POLD1: variants seen among roughly 807,000 people sequenced by gnomAD.
The protein encoded by POLD1 is DNA polymerase delta catalytic subunit.
In POLD1, 79 loss-of-function variants were observed where a neutral mutation model predicts 129.7. The ratio of observed to expected loss-of-function variants is 0.61; its 90% CI spans 0.51 to 0.73. The LOEUF (loss-of-function observed/expected upper bound fraction) is 0.73. POLD1 is among the 30% of genes least tolerant of loss of function. The pLI, the probability that POLD1 is intolerant of heterozygous loss-of-function variation, is 0.00. For synonymous variants in POLD1, 714 were observed against 683.3 expected (o/e 1.04, Z -0.70); for missense variants, 1,338 against 1,595.8 (o/e 0.84, Z 2.75).
chr19:50,399,098 C>T (rs2122198963), intron 2 of POLD1, 45 bp downstream of exon 2: 1 of 1,550,288 alleles, frequency 6.5e-7, no homozygotes, highest in South Asian at 1.2e-5. Flanking sequence ...CCCATTGCCC[C>T]TGGTCTTGCC....
chr19:50,391,758 G>A (rs555288902), intron 1 of POLD1, among the ~76,000 whole-genome samples: 1 of 152,116 alleles, frequency 6.6e-6, no homozygotes, highest in South Asian at 2.1e-4. Flanking sequence ...TGTTGCCCGG[G>A]CTGGAGTGCA....
chr19:50,401,379 ATATATATATAT>A (rs2038605723), intron 3 of POLD1, among the ~76,000 whole-genome samples: 1 of 55,076 alleles, frequency 1.8e-5, no homozygotes, highest in African/African-American at 8.4e-5. Flanking sequence ...ATATATATAT[ATATATATATAT>A]ATTTTTTTTT....
At position 50,406,310 on chromosome 19, in the gene POLD1, G is replaced by T. The variant is rs1457008478; in HGVS notation, c.1371G>T (p.Met457Ile). Residue 457 changes from methionine (M) to isoleucine (I), a missense_variant, in exon 11 of 27, where the codon ATG becomes ATT. This residue lies in a region of POLD1 where 720 missense variants were observed against 1,002.6 expected (regional missense o/e 0.72). Coordinates refer to ENST00000440232, the MANE Select transcript of POLD1 (RefSeq NM_002691.4). This position sits in a 1 kb window ranked among gnomAD's most constrained non-coding sequence, Gnocchi z 5.5. Reference sequence around the variant, plus strand: ...TCAGCATGGTGGGCCGCGTGCAGATGGACATGCTGCAGGTATGGGCGGGAG... The same window carrying T: ...TCAGCATGGTGGGCCGCGTGCAGATTGACATGCTGCAGGTATGGGCGGGAG... ...KVVSMVGRVQ[M>I]DMLQVLLREY... is the part of the protein sequence containing the mutation. 6.2e-7 allele frequency: 1 copy of T among 1,613,978 alleles called. No homozygotes were observed. Among genetic ancestry groups the T allele is most frequent in the South Asian group, 1.1e-5 (1 of 91,082 alleles).
intron 17 of POLD1, among the ~76,000 whole-genome samples, chr19:50,411,356 T>C (rs2445830): frequency 0.21 from 32,298 of 152,110 alleles, 6,699 homozygotes; most frequent in African/African-American, 0.54. Context: ...CATCAGGCTC[T>C]AGCCCTGAAG....
intron 22 of POLD1, chr19:50,416,032 G>C (rs1008223523): frequency 1.9e-5 from 11 of 580,130 alleles, no homozygotes; most frequent in Non-Finnish European, 3.0e-5. Flanking sequence ...CCTATGGAAG[G>C]GGCCCCAGTC....
intron 1 of POLD1, among the ~76,000 whole-genome samples, chr19:50,393,450 C>T (rs1351407704): frequency 6.6e-6 from 1 of 152,148 alleles, no homozygotes; most frequent in Non-Finnish European, 1.5e-5. Flanking sequence ...GCAGGCAGAT[C>T]ACTTGAGCCC....
At chr19:50,389,902 T>G (rs976824402) in intron 1 of POLD1, among the ~76,000 whole-genome samples, 1 of 150,494 alleles carries the variant, frequency 6.6e-6, no homozygotes, top group African/African-American at 2.4e-5. Context: ...TTTTTTTGTT[T>G]TTTGTTTTGT....
Position 50,417,844 on chromosome 19 carries a change from G to T in POLD1, c.3221G>T (p.Arg1074Leu). Residue 1074 changes from arginine (R) to leucine (L), a missense_variant and splice_region_variant, in exon 27 of 27, where the codon CGG becomes CTG. Coordinates refer to ENST00000440232, the MANE Select transcript of POLD1 (RefSeq NM_002691.4). ...SLHEDVICTS[R>L]DCPIFYMRKK... ...CCTGCCCCTGCCCCCACCCGCAGCC[G>T]GGACTGCCCCATCTTCTACATGCGC... The T allele has an allele frequency of 6.3e-7, 1 of 1,596,340 alleles. No individual in the cohort carries two copies. The highest frequency in any genetic ancestry group is 1.7e-5 in the Admixed American group (1 of 58,372).
Position 50,402,528 on chromosome 19 carries a change from A to C in POLD1, c.833A>C (p.Lys278Thr). 6.2e-7 allele frequency: 1 copy of C among 1,600,560 alleles called. No individual in the cohort carries two copies. The highest frequency in any genetic ancestry group is 8.5e-7 in the Non-Finnish European group (1 of 1,173,734). ...LPAGKYALRLKEKATQCQLEA... is the reference protein window; with the variant it reads ...LPAGKYALRLTEKATQCQLEA... ...GCTGGGAAATACGCCCTGAGGCTGA[A>C]GGAGAAGGTGCAGGGCTTCCCAGGG... The change falls in exon 7 of 27, where the codon AAG becomes ACG. Residue 278 changes from lysine to threonine, a missense_variant. Lys to Thr is a moderately conservative substitution (Grantham distance 78). Transcript: ENST00000440232.
intron 10 of POLD1, among the ~76,000 whole-genome samples, chr19:50,403,827 G>C (rs1055045362): frequency 6.6e-6 from 1 of 152,348 alleles, no homozygotes. Context: ...GTAAGAGAAG[G>C]CTGTGCATTC....
chr19:50,413,327 C>A, intron 17 of POLD1, 99 bp from the exon 18 acceptor site: 1 of 960,254 alleles, frequency 1.0e-6, no homozygotes, highest in South Asian at 1.5e-5. Flanking sequence ...TAAGCCTATG[C>A]CACTGGGAAA....
At chr19:50,416,341 T>C (rs2122489081) in intron 22 of POLD1, 55 bp from the exon 23 acceptor site, 1 of 1,535,348 alleles carries the variant, frequency 6.5e-7, no homozygotes, top group Non-Finnish European at 8.8e-7. Flanking sequence ...CCACCCCGTG[T>C]CCACCCCGGT....
intron 1 of POLD1, among the ~76,000 whole-genome samples, chr19:50,384,995 C>T (rs1392681521): frequency 6.6e-6 from 1 of 151,938 alleles, no homozygotes; most frequent in East Asian, 1.9e-4. Context: ...GCCGAGGGGA[C>T]GAGAGAAACA....
At chr19:50,387,956 A>C (rs2123710100) in intron 1 of POLD1, among the ~76,000 whole-genome samples, 2 of 152,372 alleles carry the variant, frequency 1.3e-5, no homozygotes, top group Middle Eastern at 6.8e-3. Flanking sequence ...GGGATACGTC[A>C]GACGTGTTCT....
At position 50,409,637 on chromosome 19, in the gene POLD1, G is replaced by A; in HGVS notation, c.2125G>A (p.Gly709Ser). 6.2e-7 allele frequency: 1 copy of A among 1,607,138 alleles called. No homozygotes were observed. The highest frequency in any genetic ancestry group is 8.5e-7 in the Non-Finnish European group (1 of 1,175,198). Residue 709 changes from glycine (G) to serine (S), a missense_variant, in exon 17 of 27, where the codon GGC becomes AGC. Gly to Ser is a moderately conservative substitution (Grantham distance 56). This residue lies in a region of POLD1 where 720 missense variants were observed against 1,002.6 expected (regional missense o/e 0.72). Transcript: ENST00000440232. The surrounding 1 kb of genome is among the most constrained non-coding windows in gnomAD (Gnocchi z 5.8). ...ATACGGCTTCACTGGCGCCCAGGTG[G>A]GCAAGTTGCCGTGCCTGGAGATCTC... is the stretch of plus-strand genomic sequence containing the variant. ...SVYGFTGAQVGKLPCLEISQS... is the reference protein window; with the variant it reads ...SVYGFTGAQVSKLPCLEISQS...
chr19:50,396,674 G>T lies in POLD1; in HGVS notation c.-1-2177G>T, dbSNP rs185165049. On this transcript the variant is annotated intron_variant, in intron 1 of 26. Transcript: ENST00000440232. ...TTTGTATTTTTTTAGTAGAGACGGG[G>T]TTTCACCATGTTAGCCAGGATGGTC... Among the ~76,000 whole-genome samples the T allele has an allele frequency of 9.7e-3, 1,463 of 151,588 alleles. 22 individuals carry two copies. The highest frequency in any genetic ancestry group is 0.034 in the African/African-American group (1,388 of 41,348).
Position 50,405,826 on chromosome 19 carries a change from C to A in POLD1, c.1243-356C>A, listed in dbSNP as rs376457742. On this transcript the variant is annotated intron_variant, in intron 10 of 26. Transcript: ENST00000440232. The stretch of plus-strand genomic sequence containing the variant: ...CTCAGCATCCATCTCAGCCCAGCTC[C>A]ACGCCGCCTCCTGCCTCTGCCCCCA... Among the ~76,000 whole-genome samples the A allele has an allele frequency of 3.9e-5, 6 of 152,276 alleles. No homozygotes were observed. The South Asian group carries it at 8.3e-4, about 21-fold the overall frequency.
intron 1 of POLD1, among the ~76,000 whole-genome samples, chr19:50,388,618 A>T (rs1245386887): frequency 1.3e-5 from 2 of 152,170 alleles, no homozygotes; most frequent in Non-Finnish European, 2.9e-5. Flanking sequence ...GAAAAGTTTC[A>T]AACCTGCAGA....
intron 1 of POLD1, chr19:50,395,241 A>C (rs982767463): frequency 1.2e-4 from 14 of 120,650 alleles, no homozygotes; most frequent in Non-Finnish European, 2.3e-4. Flanking sequence ...GTGGCTGGGT[A>C]CAGGTACTTT....
Sources: allele counts gnomAD v4.1 joint callset (sites outside exome capture counted in the v4.1 genomes callset), GRCh38; gene constraint gnomAD v4.1.1; regional missense constraint gnomAD v4.1.1; non-coding constraint Gnocchi (gnomAD v3.1); transcripts MANE v1.5; gene names NCBI Gene and HGNC (gene_info 2026-07-23, HGNC 2026-07-21).